LHFPL3: variants seen among roughly 807,000 people sequenced by gnomAD.
LHFPL3 encodes the protein LHFPL tetraspan subfamily member 3, also known as LHFPL tetraspan subfamily member 3 protein.
A neutral mutation model predicts 19.3 loss-of-function variants in LHFPL3; 5 were observed. That is an observed-to-expected ratio of 0.26 (90% CI 0.14 to 0.54). The LOEUF is 0.54. LHFPL3 is among the 20% of genes least tolerant of loss of function. The pLI, the probability that LHFPL3 is intolerant of heterozygous loss-of-function variation, is 0.94. For synonymous variants in LHFPL3, 133 were observed against 126.2 expected (o/e 1.05, Z -0.36); for missense variants, 249 against 307.4 (o/e 0.81, Z 1.42).
chr7:104,606,569 G>T (rs1416156180), intron 1 of LHFPL3, among the ~76,000 whole-genome samples: 1 of 152,190 alleles, frequency 6.6e-6, no homozygotes, highest in African/African-American at 2.4e-5. Flanking sequence ...TGTAAGGAAG[G>T]TCAAGTGAGA....
chr7:104,715,985 G>A (rs1159488510), intron 1 of LHFPL3, among the ~76,000 whole-genome samples: 1 of 152,146 alleles, frequency 6.6e-6, no homozygotes, highest in South Asian at 2.1e-4. Flanking sequence ...TTATTTAAAT[G>A]TATGGTAGAA....
intron 1 of LHFPL3, among the ~76,000 whole-genome samples, chr7:104,403,983 T>C (rs998796052): frequency 6.6e-6 from 1 of 152,236 alleles, no homozygotes. Flanking sequence ...TAAAGTTTTA[T>C]TGGAACACAG....
chr7:104,854,524 T>G (rs567542838), intron 2 of LHFPL3, among the ~76,000 whole-genome samples: 1 of 152,310 alleles, frequency 6.6e-6, no homozygotes, highest in South Asian at 2.1e-4. Flanking sequence ...GCTGGTAACT[T>G]CCTATATGCA....
At chr7:104,825,729 G>C (rs1562805297) in intron 2 of LHFPL3, among the ~76,000 whole-genome samples, 1 of 151,846 alleles carries the variant, frequency 6.6e-6, no homozygotes. Flanking sequence ...TTTTGCATGT[G>C]GCTTCCATCC....
intron 1 of LHFPL3, among the ~76,000 whole-genome samples, chr7:104,395,906 A>C (rs1791174147): frequency 1.3e-5 from 2 of 152,230 alleles, no homozygotes; most frequent in Admixed American, 1.3e-4. Context: ...CTTATTAGTA[A>C]AGACTATTTT....
At chr7:104,461,519 T>C (rs184450315) in intron 1 of LHFPL3, among the ~76,000 whole-genome samples, 1 of 152,214 alleles carries the variant, frequency 6.6e-6, no homozygotes, top group Non-Finnish European at 1.5e-5. Flanking sequence ...GTTATAAGTA[T>C]GCAGCCTTAT....
chr7:104,779,182 C>T (rs144459106), intron 2 of LHFPL3, among the ~76,000 whole-genome samples: 23 of 152,144 alleles, frequency 1.5e-4, no homozygotes, highest in African/African-American at 4.1e-4. Context: ...ATCTATTGAA[C>T]GGGATTAATA....
chr7:104,450,419 T>G (rs941764902), intron 1 of LHFPL3, among the ~76,000 whole-genome samples: 23 of 152,184 alleles, frequency 1.5e-4, no homozygotes, highest in African/African-American at 5.6e-4. Context: ...CTTTGTTCAG[T>G]GCAGGGACAT....
intron 1 of LHFPL3, among the ~76,000 whole-genome samples, chr7:104,675,134 C>T (rs1451469976): frequency 6.6e-6 from 1 of 152,146 alleles, no homozygotes; most frequent in Non-Finnish European, 1.5e-5. Context: ...GAAGGAATCT[C>T]CATGGTGGGA....
intron 2 of LHFPL3, among the ~76,000 whole-genome samples, chr7:104,772,433 G>C (rs1232753403): frequency 3.3e-5 from 5 of 152,122 alleles, no homozygotes; most frequent in Non-Finnish European, 4.4e-5. Context: ...TAGCCATGCA[G>C]CCCCTACGGT....
At chr7:104,683,637 G>A (rs531074011) in intron 1 of LHFPL3, among the ~76,000 whole-genome samples, 2 of 152,268 alleles carry the variant, frequency 1.3e-5, no homozygotes, top group South Asian at 2.1e-4. Context: ...GTTCCAGGAG[G>A]AGTGTGTGTT....
At chr7:104,556,093 G>A (rs1028993859) in intron 1 of LHFPL3, among the ~76,000 whole-genome samples, 1 of 152,222 alleles carries the variant, frequency 6.6e-6, no homozygotes, top group East Asian at 1.9e-4. Context: ...GCTTCTAGCT[G>A]CTTTCATGGG....
chr7:104,885,142 G>C (rs1302837874), intron 2 of LHFPL3, among the ~76,000 whole-genome samples: 2 of 152,192 alleles, frequency 1.3e-5, no homozygotes, highest in African/African-American at 4.8e-5. Context: ...CTGAGACTTC[G>C]ATTTTATTTG....
intron 1 of LHFPL3, among the ~76,000 whole-genome samples, chr7:104,640,192 G>C (rs1269114177): frequency 1.3e-5 from 2 of 152,174 alleles, no homozygotes; most frequent in East Asian, 3.8e-4. Context: ...TGCCAAGGTG[G>C]TTTGCTGCGC....
At chr7:104,395,970 C>G (rs999892261) in intron 1 of LHFPL3, among the ~76,000 whole-genome samples, 1 of 152,082 alleles carries the variant, frequency 6.6e-6, no homozygotes, top group South Asian at 2.1e-4. Context: ...AGGGAAATCT[C>G]GGGTCATCTC....
chr7:104,366,691 C>G (rs1790500930), intron 1 of LHFPL3, among the ~76,000 whole-genome samples: 1 of 152,170 alleles, frequency 6.6e-6, no homozygotes, highest in Non-Finnish European at 1.5e-5. Context: ...GCTTATCATC[C>G]TAATACAAAA....
intron 1 of LHFPL3, among the ~76,000 whole-genome samples, chr7:104,384,884 T>G (rs1204491249): frequency 2.0e-5 from 3 of 151,766 alleles, no homozygotes; most frequent in African/African-American, 7.3e-5. Flanking sequence ...CAAGGAGGAC[T>G]TAAGCAAGAA....
chr7:104,860,095 C>G (rs1469235101), intron 2 of LHFPL3, among the ~76,000 whole-genome samples: 2 of 151,992 alleles, frequency 1.3e-5, no homozygotes, highest in African/African-American at 4.8e-5. Flanking sequence ...GACCCATAAC[C>G]CCACTCAGTG....
Position 104,562,689 on chromosome 7 carries a change from G to A in LHFPL3, c.446-173986G>A, listed in dbSNP as rs1790032530. 3.3e-5 allele frequency among the ~76,000 whole-genome samples: 5 copies of A among 152,052 alleles called. No homozygotes were observed. The South Asian group carries it at 1.0e-3, about 32-fold the overall frequency. ...AGCCTTCTTCTCTCAGCTCCTCAAA[G>A]TCATTCTCCATCCAGCTTTGTTCCA... On this transcript the variant is annotated intron_variant, in intron 1 of 2. Coordinates refer to ENST00000424859, the MANE Select transcript of LHFPL3 (RefSeq NM_199000.3).
Sources: allele counts gnomAD v4.1 joint callset (sites outside exome capture counted in the v4.1 genomes callset), GRCh38; gene constraint gnomAD v4.1.1; transcripts MANE v1.5; gene names NCBI Gene and HGNC (gene_info 2026-07-23, HGNC 2026-07-21).